Variants in TAFA4 observed in about 807,000 individuals in gnomAD.
The protein encoded by TAFA4 is TAFA chemokine like family member 4.
A neutral mutation model predicts 21.1 loss-of-function variants in TAFA4; 20 were observed. The observed-to-expected ratio is 0.95, with a 90% CI of 0.67 to 1.38. The LOEUF is 1.38. Ranked by LOEUF, TAFA4 falls within the 40% of genes most tolerant of loss-of-function variation. The probability of loss-of-function intolerance (pLI) is 0.00; values close to 1 mark genes in which losing one functional copy is unlikely to be tolerated. For missense variants in TAFA4, 211 were observed against 180.9 expected (o/e 1.17, Z -0.95); for synonymous variants, 71 against 67.4 (o/e 1.05, Z -0.26).
chr3:68,766,462 G>C (rs762636662), intron 3 of TAFA4, among the ~76,000 whole-genome samples: 1 of 151,762 alleles, frequency 6.6e-6, no homozygotes, highest in Non-Finnish European at 1.5e-5. Flanking sequence ...CATATGTACA[G>C]ATAATACAAA....
intron 4 of TAFA4, 149 bp downstream of exon 4, chr3:68,752,714 T>C: frequency 1.2e-6 from 1 of 829,710 alleles, no homozygotes; most frequent in Non-Finnish European, 1.9e-6. Flanking sequence ...AAGACATTTT[T>C]GGAGTTGTAT....
At chr3:68,777,450 C>T (rs1703068372) in intron 3 of TAFA4, among the ~76,000 whole-genome samples, 1 of 151,902 alleles carries the variant, frequency 6.6e-6, no homozygotes, top group Non-Finnish European at 1.5e-5. Flanking sequence ...ATTAGATTAC[C>T]TAAGGATATG....
intron 3 of TAFA4, among the ~76,000 whole-genome samples, chr3:68,793,986 C>G (rs184864457): frequency 6.6e-6 from 1 of 152,194 alleles, no homozygotes; most frequent in Non-Finnish European, 1.5e-5. Context: ...GACAGGTTGT[C>G]AGAATCAATG....
intron 1 of TAFA4, among the ~76,000 whole-genome samples, chr3:68,899,790 T>C (rs746430857): frequency 3.5e-4 from 53 of 152,192 alleles, no homozygotes; most frequent in Non-Finnish European, 6.2e-4. Context: ...TGACCTCTCT[T>C]CCTAGTTTAT....
At chr3:68,747,962 G>C (rs151251168) in intron 4 of TAFA4, among the ~76,000 whole-genome samples, 300 of 152,134 alleles carry the variant, frequency 2.0e-3, no homozygotes, top group African/African-American at 6.7e-3. Flanking sequence ...CATATGCTTC[G>C]TGCTGCCTTG....
At chr3:68,870,735 C>T (rs2089472193) in intron 3 of TAFA4, among the ~76,000 whole-genome samples, 1 of 152,086 alleles carries the variant, frequency 6.6e-6, no homozygotes, top group Non-Finnish European at 1.5e-5. Context: ...TCTCCCTCCC[C>T]TTGCTCCCCA....
At chr3:68,803,114 A>T (rs1289396230) in intron 3 of TAFA4, among the ~76,000 whole-genome samples, 3 of 147,772 alleles carry the variant, frequency 2.0e-5, no homozygotes, top group Non-Finnish European at 4.5e-5. Flanking sequence ...TTACAAACGT[A>T]GCTCATTTTC....
At chr3:68,845,506 T>C (rs1704766007) in intron 3 of TAFA4, among the ~76,000 whole-genome samples, 1 of 152,236 alleles carries the variant, frequency 6.6e-6, no homozygotes, top group South Asian at 2.1e-4. Flanking sequence ...TTGGGGCCTT[T>C]AGCCCATTTA....
chr3:68,866,677 AACT>A (rs2089424286), intron 3 of TAFA4, among the ~76,000 whole-genome samples: 1 of 145,988 alleles, frequency 6.8e-6, no homozygotes, highest in South Asian at 2.1e-4. Context: ...AAAAAAAAAA[AACT>A]CTGCAAACTC....
chr3:68,741,746 C>G (rs547527012), intron 4 of TAFA4, among the ~76,000 whole-genome samples: 2 of 152,080 alleles, frequency 1.3e-5, no homozygotes, highest in South Asian at 2.1e-4. Flanking sequence ...GAGCTGAGAT[C>G]ACGCCAGTGC....
At chr3:68,820,255 G>A (rs368051432) in intron 3 of TAFA4, among the ~76,000 whole-genome samples, 10 of 152,322 alleles carry the variant, frequency 6.6e-5, no homozygotes, top group African/African-American at 2.4e-4. Context: ...GAAACAGGGA[G>A]TAAAATGGAG....
At chr3:68,784,435 C>A (rs1703210989) in intron 3 of TAFA4, among the ~76,000 whole-genome samples, 1 of 152,064 alleles carries the variant, frequency 6.6e-6, no homozygotes, top group Non-Finnish European at 1.5e-5. Flanking sequence ...GGTTCACGGT[C>A]TCGCTGGCTC....
intron 3 of TAFA4, among the ~76,000 whole-genome samples, chr3:68,776,465 A>T (rs1374028493): frequency 6.6e-6 from 1 of 152,220 alleles, no homozygotes; most frequent in Non-Finnish European, 1.5e-5. Flanking sequence ...TAACAGAAAG[A>T]TATAGAAAGC....
chr3:68,742,996 C>T (rs1432156258), intron 4 of TAFA4, among the ~76,000 whole-genome samples: 3 of 152,140 alleles, frequency 2.0e-5, no homozygotes, highest in African/African-American at 4.8e-5. Context: ...GATGAGAGCA[C>T]GGGACAATTT....
At chr3:68,801,241 G>C (rs937356055) in intron 3 of TAFA4, among the ~76,000 whole-genome samples, 1 of 151,946 alleles carries the variant, frequency 6.6e-6, no homozygotes, top group Non-Finnish European at 1.5e-5. Context: ...TCTCATCCAC[G>C]TCCCCCTGGG....
intron 3 of TAFA4, among the ~76,000 whole-genome samples, chr3:68,777,853 T>TAA (rs1703076759): frequency 6.6e-6 from 1 of 152,138 alleles, no homozygotes; most frequent in Admixed American, 6.5e-5. Context: ...ATCAGTACCA[T>TAA]AACATGCTGT....
chr3:68,871,032 C>A (rs149012885), intron 3 of TAFA4, among the ~76,000 whole-genome samples: 1 of 151,970 alleles, frequency 6.6e-6, no homozygotes, highest in Non-Finnish European at 1.5e-5. Context: ...GTTAGAATGG[C>A]GATCATTAAA....
chr3:68,924,997 A>G (rs1015161515), intron 1 of TAFA4, among the ~76,000 whole-genome samples: 7 of 152,168 alleles, frequency 4.6e-5, no homozygotes, highest in African/African-American at 1.7e-4. Flanking sequence ...AATTCCGCAT[A>G]CAAGGAGAAT....
At chr3:68,795,315 G>C (rs1203138693) in intron 3 of TAFA4, among the ~76,000 whole-genome samples, 1 of 151,136 alleles carries the variant, frequency 6.6e-6, no homozygotes, top group Admixed American at 6.6e-5. Context: ...CTCAATGCTA[G>C]TAACACATCC....
Sources: allele counts gnomAD v4.1 joint callset (sites outside exome capture counted in the v4.1 genomes callset), GRCh38; gene constraint gnomAD v4.1.1; transcripts MANE v1.5; gene names NCBI Gene and HGNC (gene_info 2026-07-23, HGNC 2026-07-21).